The following RNF150 variants were observed in gnomAD, a reference collection of about 807,000 sequenced individuals.
RNF150 encodes ring finger protein 150.
RNF150 carries 24 observed loss-of-function variants against 39.3 expected under a neutral mutation model. The ratio of observed to expected loss-of-function variants is 0.61; its 90% CI spans 0.44 to 0.86. The LOEUF is 0.86. RNF150 is among the 40% of genes least tolerant of loss of function. RNF150 has a pLI of 0.00. For missense variants in RNF150, 502 were observed against 587.8 expected (o/e 0.85, Z 1.51); for synonymous variants, 255 against 227.3 (o/e 1.12, Z -1.10).
At chr4:141,039,366 G>A (rs1220433486) in intron 1 of RNF150, among the ~76,000 whole-genome samples, 2 of 150,148 alleles carry the variant, frequency 1.3e-5, no homozygotes, top group African/African-American at 2.5e-5. Context: ...GGGGAGGAAG[G>A]AGGTAGAGAA....
chr4:140,995,086 T>C (rs1366688167), intron 1 of RNF150, among the ~76,000 whole-genome samples: 3 of 152,204 alleles, frequency 2.0e-5, no homozygotes, highest in Non-Finnish European at 4.4e-5. Context: ...TTATTCATTC[T>C]ATCTAATTAT....
At chr4:140,947,172 A>T (rs919162359) in intron 4 of RNF150, among the ~76,000 whole-genome samples, 2 of 142,614 alleles carry the variant, frequency 1.4e-5, no homozygotes, top group Non-Finnish European at 3.1e-5. Flanking sequence ...CTGTTAGTTT[A>T]AAAAAAAAAA....
intron 1 of RNF150, among the ~76,000 whole-genome samples, chr4:141,121,079 T>C (rs1726590239): frequency 6.6e-6 from 1 of 152,208 alleles, no homozygotes; most frequent in Admixed American, 6.5e-5. Flanking sequence ...ATGTATTACA[T>C]GCTCAGAGTC....
chr4:141,081,281 G>A (rs1414209496), intron 1 of RNF150, among the ~76,000 whole-genome samples: 3 of 152,174 alleles, frequency 2.0e-5, no homozygotes, highest in Admixed American at 1.3e-4. Context: ...TGCCTTCTCA[G>A]TGCTCCATCT....
chr4:140,978,460 G>A (rs1733744958), intron 1 of RNF150, among the ~76,000 whole-genome samples: 1 of 152,130 alleles, frequency 6.6e-6, no homozygotes, highest in Non-Finnish European at 1.5e-5. Flanking sequence ...GGTGATCAAT[G>A]ACTCATACTT....
intron 1 of RNF150, among the ~76,000 whole-genome samples, chr4:141,201,733 A>C (rs12711388): frequency 0.29 from 43,829 of 151,766 alleles, 6,719 homozygotes; most frequent in African/African-American, 0.39. Flanking sequence ...TCTATATCTC[A>C]ATCTCTGCTT....
At chr4:141,162,228 T>C (rs546958072) in intron 1 of RNF150, among the ~76,000 whole-genome samples, 139 of 152,294 alleles carry the variant, frequency 9.1e-4, no homozygotes, top group African/African-American at 3.2e-3. Flanking sequence ...GGCCTAGATG[T>C]GAGATATGGA....
chr4:141,035,802 C>A (rs934818428), intron 1 of RNF150, among the ~76,000 whole-genome samples: 2 of 152,100 alleles, frequency 1.3e-5, no homozygotes, highest in African/African-American at 2.4e-5. Context: ...TTAATGGTGT[C>A]ATTTCAATTT....
intron 1 of RNF150, among the ~76,000 whole-genome samples, chr4:141,076,489 A>C (rs891330601): frequency 4.6e-5 from 7 of 151,934 alleles, no homozygotes; most frequent in African/African-American, 9.7e-5. Context: ...CTGGCTCCCC[A>C]GTGTCTCAGA....
chr4:141,109,078 G>C (rs1739305284), intron 1 of RNF150, among the ~76,000 whole-genome samples: 1 of 152,176 alleles, frequency 6.6e-6, no homozygotes, highest in Non-Finnish European at 1.5e-5. Flanking sequence ...AACACAATGA[G>C]AGATACATTA....
At chr4:140,889,328 A>T (rs1235987524) in intron 6 of RNF150, among the ~76,000 whole-genome samples, 3 of 152,206 alleles carry the variant, frequency 2.0e-5, no homozygotes, top group Non-Finnish European at 4.4e-5. Flanking sequence ...CACCTTTCAG[A>T]AGTACTGTGA....
intron 5 of RNF150, among the ~76,000 whole-genome samples, chr4:140,919,953 A>G (rs1366694802): frequency 6.6e-6 from 1 of 152,186 alleles, no homozygotes; most frequent in Non-Finnish European, 1.5e-5. Context: ...TCCCTATTTA[A>G]TAAATGGTGC....
chr4:140,951,804 T>G (rs1185433049), intron 2 of RNF150, among the ~76,000 whole-genome samples: 1 of 152,124 alleles, frequency 6.6e-6, no homozygotes, highest in African/African-American at 2.4e-5. Context: ...GTATTTAGAA[T>G]AAGAATCTGA....
rs562457560 is a variant in RNF150, at chr4:140,967,950, A to G, written c.485-77T>C. On this transcript the variant is annotated intron_variant, in intron 1 of 6. Transcript: ENST00000515673. ...GGGGATCCCAGTGAGATGTGTGGAC[A>G]CAGTAACACGAAACCAAATAAGGAC... is the stretch of plus-strand genomic sequence containing the variant. 10 of 1,319,806 alleles carry G rather than the reference A, an allele frequency of 7.6e-6. No homozygotes were observed. The Admixed American group carries it at 1.3e-4, about 17-fold the overall frequency. The allele number at this position is 1,319,806 out of a possible 1,614,324, so 81.8% of individuals were successfully genotyped here.
intron 2 of RNF150, among the ~76,000 whole-genome samples, chr4:140,958,643 C>T (rs555137924): frequency 6.6e-5 from 10 of 152,294 alleles, no homozygotes; most frequent in South Asian, 4.1e-4. Flanking sequence ...CAGGTGTCTT[C>T]TGCCTCCCAG....
At chr4:141,114,227 T>C (rs1261261458) in intron 1 of RNF150, among the ~76,000 whole-genome samples, 7 of 152,164 alleles carry the variant, frequency 4.6e-5, no homozygotes, top group African/African-American at 1.7e-4. Context: ...AGGAGCTGGT[T>C]TTTTGAAAAG....
At chr4:140,931,173 T>A (rs1240452780) in intron 4 of RNF150, among the ~76,000 whole-genome samples, 1 of 152,090 alleles carries the variant, frequency 6.6e-6, no homozygotes, top group Non-Finnish European at 1.5e-5. Flanking sequence ...CTACCATAAA[T>A]CTTATTAATA....
intron 5 of RNF150, among the ~76,000 whole-genome samples, chr4:140,918,394 T>C (rs1730941574): frequency 1.3e-5 from 2 of 152,146 alleles, no homozygotes; most frequent in South Asian, 4.1e-4. Flanking sequence ...CATCAGAGAA[T>C]AGTACAAACA....
At chr4:141,001,515 G>T (rs995686868) in intron 1 of RNF150, among the ~76,000 whole-genome samples, 1 of 152,074 alleles carries the variant, frequency 6.6e-6, no homozygotes, top group African/African-American at 2.4e-5. Context: ...ATGACAGGTG[G>T]TCTTTGGGAT....
Sources: allele counts gnomAD v4.1 joint callset (sites outside exome capture counted in the v4.1 genomes callset), GRCh38; gene constraint gnomAD v4.1.1; transcripts MANE v1.5; gene names NCBI Gene and HGNC (gene_info 2026-07-23, HGNC 2026-07-21).